The following BLTP1 variants were observed in gnomAD, a reference collection of about 807,000 sequenced individuals.
BLTP1 encodes fragile site-associated protein.
chr4:122,226,622 G>T, the BLTP1 span: 1 of 1,574,798 alleles, frequency 6.4e-7, no homozygotes, highest in Non-Finnish European at 8.6e-7. Flanking sequence ...TTCAAGCTAC[G>T]TTAACATTCT....
chr4:122,216,039 A>G, the BLTP1 span, among the ~76,000 whole-genome samples: 1 of 151,850 alleles, frequency 6.6e-6, no homozygotes, highest in East Asian at 1.9e-4. Context: ...GCTGAGTAGT[A>G]TTCCATGGTA....
chr4:122,197,311 A>G, the BLTP1 span: 1 of 1,303,032 alleles, frequency 7.7e-7, no homozygotes, highest in Non-Finnish European at 1.0e-6. Flanking sequence ...TTAAATAATT[A>G]GGGAAATAAT....
At chr4:122,260,569 T>C in the BLTP1 span, among the ~76,000 whole-genome samples, 1 of 152,194 alleles carries the variant, frequency 6.6e-6, no homozygotes, top group Non-Finnish European at 1.5e-5. Flanking sequence ...AACTTTTGAA[T>C]AGTGTACATT....
the BLTP1 span, among the ~76,000 whole-genome samples, chr4:122,205,540 G>A: frequency 6.8e-6 from 1 of 147,972 alleles, no homozygotes; most frequent in Non-Finnish European, 1.5e-5. Flanking sequence ...GTCAAAGTCT[G>A]TGCTATAATA....
the BLTP1 span, chr4:122,276,554 G>A: frequency 3.0e-6 from 3 of 985,148 alleles, no homozygotes; most frequent in African/African-American, 5.2e-5. Context: ...CACATCTAGA[G>A]AGCCATTTGC....
the BLTP1 span, among the ~76,000 whole-genome samples, chr4:122,177,404 C>T: frequency 5.3e-5 from 8 of 152,270 alleles, no homozygotes; most frequent in Admixed American, 2.6e-4. Flanking sequence ...ACTTGTTCCT[C>T]AACCTGCTCT....
chr4:122,328,216 G>T, the BLTP1 span: 1 of 1,611,322 alleles, frequency 6.2e-7, no homozygotes, highest in East Asian at 2.2e-5. Flanking sequence ...AAAACTCCAG[G>T]AGGCTTTTCA....
the BLTP1 span, chr4:122,227,245 A>C: frequency 1.0e-6 from 1 of 988,732 alleles, no homozygotes; most frequent in Non-Finnish European, 1.2e-6. Context: ...ATGTAATAGC[A>C]AGGTTGGTCA....
the BLTP1 span, chr4:122,155,956 T>A: frequency 1.1e-6 from 1 of 948,090 alleles, no homozygotes; most frequent in Non-Finnish European, 1.3e-6. Flanking sequence ...TCAGGGTAGT[T>A]TCTAGCCACC....
chr4:122,267,972 A>G, the BLTP1 span, among the ~76,000 whole-genome samples: 2 of 152,114 alleles, frequency 1.3e-5, no homozygotes, highest in African/African-American at 4.8e-5. Context: ...GCTAAGTAAA[A>G]TATATTTTTC....
chr4:122,334,315 A>T, the BLTP1 span: 1 of 1,465,938 alleles, frequency 6.8e-7, no homozygotes, highest in Non-Finnish European at 9.5e-7. Flanking sequence ...CATAATTTTA[A>T]TTTTAAAAGT....
At chr4:122,288,956 T>C in the BLTP1 span, 1 of 1,088,544 alleles carries the variant, frequency 9.2e-7, no homozygotes, top group Admixed American at 3.3e-5. Context: ...TTTTAACTTT[T>C]CTTCAATATA....
At chr4:122,268,079 C>T in the BLTP1 span, among the ~76,000 whole-genome samples, 1 of 152,056 alleles carries the variant, frequency 6.6e-6, no homozygotes, top group African/African-American at 2.4e-5. Context: ...CAAGCTGAAA[C>T]TACAAGGCAA....
chr4:122,272,424 A>G, the BLTP1 span: 1 of 1,574,758 alleles, frequency 6.4e-7, no homozygotes, highest in Admixed American at 1.7e-5. Flanking sequence ...GATTTTTCTA[A>G]TAAAGTGCTA....
At chr4:122,339,850 A>G in the BLTP1 span, among the ~76,000 whole-genome samples, 1 of 152,216 alleles carries the variant, frequency 6.6e-6, no homozygotes, top group Non-Finnish European at 1.5e-5. Context: ...ATCAAGTAGC[A>G]GTAGCATATG....
At chr4:122,271,819 A>C in the BLTP1 span, 1 of 856,152 alleles carries the variant, frequency 1.2e-6, no homozygotes, top group Non-Finnish European at 1.8e-6. Context: ...TTAATGTCGT[A>C]AGTGGATAAT....
the BLTP1 span, among the ~76,000 whole-genome samples, chr4:122,235,813 A>G: frequency 1.0e-4 from 14 of 138,592 alleles, no homozygotes; most frequent in South Asian, 3.3e-3. Flanking sequence ...TCAAAAAAGA[A>G]AAAAAAAAAA....
the BLTP1 span, chr4:122,193,718 A>C: frequency 6.6e-6 from 6 of 906,098 alleles, no homozygotes; most frequent in Non-Finnish European, 7.9e-6. Context: ...ATACAAGCCA[A>C]GTCGTTCACT....
chr4:122,209,954 A>G, the BLTP1 span: 5 of 1,605,622 alleles, frequency 3.1e-6, no homozygotes, highest in Non-Finnish European at 4.3e-6. Flanking sequence ...TTGTGCTTTT[A>G]TACAGCTGCT....
Sources: gnomAD v4.1 joint callset for allele counts (sites outside exome capture counted in the v4.1 genomes callset) on GRCh38, gnomAD v4.1.1 for gene constraint, MANE v1.5 for transcripts, NCBI Gene and HGNC (gene_info 2026-07-23, HGNC 2026-07-21) for gene names.